CLASP1: variants seen among roughly 807,000 people sequenced by gnomAD.
CLASP1 encodes cytoplasmic linker associated protein 1.
CLASP1 carries 38 observed loss-of-function variants against 192.3 expected under a neutral mutation model. The ratio of observed to expected loss-of-function variants is 0.20; its 90% CI spans 0.15 to 0.26. The LOEUF (loss-of-function observed/expected upper bound fraction) is 0.26. Among genes scored for constraint, CLASP1 ranks in the 10% least tolerant of loss-of-function variants. The pLI is 1.00. For synonymous variants in CLASP1, 691 were observed against 712.8 expected (o/e 0.97, Z 0.49); for missense variants, 1,433 against 1,932.5 (o/e 0.74, Z 4.85).
chr2:121,532,903 T>C (rs931959947), intron 2 of CLASP1, among the ~76,000 whole-genome samples: 1 of 152,206 alleles, frequency 6.6e-6, no homozygotes, highest in African/African-American at 2.4e-5. Context: ...GAACAGCCCA[T>C]CACTTAAGTG....
intron 8 of CLASP1, among the ~76,000 whole-genome samples, chr2:121,500,424 A>C (rs1180836820): frequency 1.3e-5 from 2 of 151,740 alleles, no homozygotes; most frequent in East Asian, 3.9e-4. Context: ...AAAAAAAAGA[A>C]AAGAGAAAAG....
intron 34 of CLASP1, among the ~76,000 whole-genome samples, chr2:121,374,206 C>G (rs892979329): frequency 6.6e-6 from 1 of 152,256 alleles, no homozygotes; most frequent in African/African-American, 2.4e-5. Context: ...AAGGGGCCAA[C>G]GTACAGCTTG....
chr2:121,593,563 G>A (rs1353743504), intron 2 of CLASP1, among the ~76,000 whole-genome samples: 1 of 146,752 alleles, frequency 6.8e-6, no homozygotes, highest in Non-Finnish European at 1.5e-5. Context: ...AAGTTGCAGG[G>A]AGCTGAGATC....
At chr2:121,583,380 T>G (rs539571321) in intron 2 of CLASP1, among the ~76,000 whole-genome samples, 1 of 152,324 alleles carries the variant, frequency 6.6e-6, no homozygotes, top group South Asian at 2.1e-4. Context: ...AGACTATTAC[T>G]TAACCCGGAG....
At chr2:121,506,069 A>G (rs1324021173) in intron 7 of CLASP1, among the ~76,000 whole-genome samples, 2 of 152,232 alleles carry the variant, frequency 1.3e-5, no homozygotes, top group Non-Finnish European at 2.9e-5. Flanking sequence ...TTCCAAAGAG[A>G]TAAGAGAAAA....
chr2:121,648,811 A>C (rs1576769632), intron 1 of CLASP1, among the ~76,000 whole-genome samples: 1 of 152,310 alleles, frequency 6.6e-6, no homozygotes, highest in East Asian at 1.9e-4. Flanking sequence ...GACCTTGTGC[A>C]TCCCATCAAG....
intron 2 of CLASP1, chr2:121,530,686 T>C (rs966186833): frequency 3.8e-6 from 2 of 519,904 alleles, no homozygotes; most frequent in Non-Finnish European, 3.4e-6. Flanking sequence ...CGCGGTCTTC[T>C]GGGTAAAACC....
chr2:121,637,606 G>C (rs1297592746), intron 1 of CLASP1, among the ~76,000 whole-genome samples: 1 of 152,128 alleles, frequency 6.6e-6, no homozygotes, highest in African/African-American at 2.4e-5. Context: ...ATTTAGGCTG[G>C]CGTGGTGGCT....
chr2:121,462,397 C>A (rs2088269758), intron 10 of CLASP1, 135 bp downstream of exon 10: 3 of 548,238 alleles, frequency 5.5e-6, no homozygotes, highest in South Asian at 6.2e-5. Flanking sequence ...CTGGTCTGCA[C>A]CTCAGATCTC....
At chr2:121,622,089 C>T (rs565486858) in intron 1 of CLASP1, among the ~76,000 whole-genome samples, 1 of 151,846 alleles carries the variant, frequency 6.6e-6, no homozygotes, top group African/African-American at 2.4e-5. Flanking sequence ...GACCTCACAC[C>T]TGCCTCAGCC....
intron 25 of CLASP1, among the ~76,000 whole-genome samples, chr2:121,407,161 A>C (rs2077041688): frequency 6.6e-6 from 1 of 151,604 alleles, no homozygotes; most frequent in African/African-American, 2.4e-5. Context: ...GGCTGCAGTG[A>C]GCCAAGATCG....
At chr2:121,557,766 G>T (rs565709652) in intron 2 of CLASP1, among the ~76,000 whole-genome samples, 5 of 149,938 alleles carry the variant, frequency 3.3e-5, no homozygotes, top group Non-Finnish European at 7.4e-5. Flanking sequence ...TGGAAAAAAA[G>T]AAAAAAGAAA....
chr2:121,437,669 A>C (rs775672000), intron 19 of CLASP1, among the ~76,000 whole-genome samples: 34 of 152,170 alleles, frequency 2.2e-4, no homozygotes, highest in Admixed American at 1.4e-3. Context: ...AGATGGGCAA[A>C]TTTCTCTGTT....
At chr2:121,384,526 T>G (rs1558975923) in intron 32 of CLASP1, among the ~76,000 whole-genome samples, 1 of 152,144 alleles carries the variant, frequency 6.6e-6, no homozygotes, top group Non-Finnish European at 1.5e-5. Context: ...ATTTATCATT[T>G]TAGAATAGTT....
intron 19 of CLASP1, among the ~76,000 whole-genome samples, chr2:121,443,423 C>T (rs537460433): frequency 1.3e-5 from 2 of 152,306 alleles, no homozygotes; most frequent in South Asian, 2.1e-4. Flanking sequence ...ATTTCATCTA[C>T]ATTATTCTCT....
intron 13 of CLASP1, 101 bp from the exon 14 acceptor site, chr2:121,457,858 A>G (rs2149848094): frequency 1.3e-6 from 1 of 742,574 alleles, no homozygotes. Flanking sequence ...TAGCACATAT[A>G]TATTCAGATT....
intron 6 of CLASP1, among the ~76,000 whole-genome samples, chr2:121,522,550 G>A (rs371425058): frequency 6.6e-6 from 1 of 152,284 alleles, no homozygotes; most frequent in African/African-American, 2.4e-5. Flanking sequence ...CTATCTCTCT[G>A]CTTCTTCATA....
At chr2:121,508,886 G>A (rs1236006798) in intron 7 of CLASP1, among the ~76,000 whole-genome samples, 2 of 152,226 alleles carry the variant, frequency 1.3e-5, no homozygotes, top group Non-Finnish European at 2.9e-5. Flanking sequence ...ACTTCTCTCT[G>A]TGCACAAAGA....
chr2:121,521,505 C>T (rs577021216), intron 6 of CLASP1, among the ~76,000 whole-genome samples: 7 of 152,222 alleles, frequency 4.6e-5, no homozygotes, highest in South Asian at 4.1e-4. Flanking sequence ...TGGCAGATCC[C>T]GGAAACTTCC....
Sources: allele counts gnomAD v4.1 joint callset (sites outside exome capture counted in the v4.1 genomes callset), GRCh38; gene constraint gnomAD v4.1.1; transcripts MANE v1.5; gene names NCBI Gene and HGNC (gene_info 2026-07-23, HGNC 2026-07-21).